Variants in DECR1 observed in about 807,000 individuals in gnomAD.
DECR1 encodes the protein 2,4-dienoyl-CoA reductase [(3E)-enoyl-CoA-producing], mitochondrial.
In DECR1, 44 loss-of-function variants were observed where a neutral mutation model predicts 38.8. The ratio of observed to expected loss-of-function variants is 1.13; its 90% confidence interval spans 0.89 to 1.46. The LOEUF is 1.46. Among genes scored for constraint, DECR1 ranks in the 40% most tolerant of loss-of-function variants. The pLI, the probability that DECR1 is intolerant of heterozygous loss-of-function variation, is 0.00. For missense variants in DECR1, 428 were observed against 405.5 expected (o/e 1.06, Z -0.48); for synonymous variants, 148 against 135.2 (o/e 1.09, Z -0.66).
At chr8:90,047,383 C>A (rs1563658940) in intron 8 of DECR1, among the ~76,000 whole-genome samples, 1 of 152,092 alleles carries the variant, frequency 6.6e-6, no homozygotes, top group Non-Finnish European at 1.5e-5. Flanking sequence ...GGGTTGCAAT[C>A]CTAGTCTCTG....
chr8:90,047,603 C>T (rs1214302296), intron 8 of DECR1, among the ~76,000 whole-genome samples: 1 of 152,216 alleles, frequency 6.6e-6, no homozygotes, highest in Non-Finnish European at 1.5e-5. Context: ...TAACGCCCCA[C>T]TGTCAATATT....
chr8:90,052,092 T>TAA lies in DECR1; in HGVS notation c.*207_*208dup, dbSNP rs376370571. The TAA allele has an allele frequency of 1.3e-3, 546 of 407,610 alleles. No homozygotes were observed. The highest frequency in any genetic ancestry group is 5.5e-3 in the South Asian group (132 of 24,056). 25.2% of individuals were successfully genotyped at this position (407,610 alleles called of 1,614,324 possible). A position where few individuals can be genotyped will look rare whatever the true frequency, so the allele number is the denominator to read the frequency against. ...AATGAAATATAGTCCTTCAAAACATTAAAAAAAAAAAAAGGAGGCATGGGG... is the reference window on the plus strand; with the variant it reads ...AATGAAATATAGTCCTTCAAAACATTAAAAAAAAAAAAAAAGGAGGCATGGGG... On this transcript the variant is annotated 3_prime_UTR_variant, in exon 10 of 10. Coordinates refer to ENST00000220764, the MANE Select transcript of DECR1 (RefSeq NM_001359.2).
At chr8:90,035,657 TTGTC>T (rs1813602904) in intron 5 of DECR1, among the ~76,000 whole-genome samples, 1 of 152,092 alleles carries the variant, frequency 6.6e-6, no homozygotes, top group African/African-American at 2.4e-5. Flanking sequence ...CTGGGACTCT[TTGTC>T]TATTAATCAT....
intron 2 of DECR1, among the ~76,000 whole-genome samples, chr8:90,018,062 A>G (rs1305306445): frequency 6.6e-6 from 1 of 151,970 alleles, no homozygotes; most frequent in African/African-American, 2.4e-5. Flanking sequence ...AATTTTTTGT[A>G]TTTTTAGTAG....
intron 4 of DECR1, 28 bp from the exon 5 acceptor site, chr8:90,020,881 T>G (rs1382843758): frequency 4.7e-6 from 7 of 1,499,592 alleles, no homozygotes; most frequent in Non-Finnish European, 6.2e-6. Flanking sequence ...ATCTAAAGTT[T>G]CTGTAACTTG....
intron 1 of DECR1, among the ~76,000 whole-genome samples, chr8:90,002,356 T>C (rs1162475228): frequency 6.6e-6 from 1 of 152,058 alleles, no homozygotes; most frequent in Non-Finnish European, 1.5e-5. Context: ...TTCCCAGATG[T>C]ATAGCTGGGA....
intron 8 of DECR1, among the ~76,000 whole-genome samples, chr8:90,047,618 A>G (rs1813945512): frequency 6.6e-6 from 1 of 152,236 alleles, no homozygotes; most frequent in Non-Finnish European, 1.5e-5. Flanking sequence ...AATATTAGAC[A>G]GAACAACAAG....
At chr8:90,047,092 A>C (rs549818903) in intron 8 of DECR1, among the ~76,000 whole-genome samples, 34 of 152,242 alleles carry the variant, frequency 2.2e-4, no homozygotes, top group Non-Finnish European at 3.5e-4. Context: ...CAAATTGTAG[A>C]GACCATCAAT....
intron 8 of DECR1, among the ~76,000 whole-genome samples, chr8:90,048,571 G>T (rs1387312418): frequency 6.6e-6 from 1 of 152,096 alleles, no homozygotes; most frequent in Non-Finnish European, 1.5e-5. Context: ...AAAAGTCCAG[G>T]ACCAGACAGA....
chr8:90,021,137 G>A, intron 5 of DECR1, 81 bp downstream of exon 5: 1 of 1,144,338 alleles, frequency 8.7e-7, no homozygotes, highest in Non-Finnish European at 1.2e-6. Flanking sequence ...TACTTTAAAA[G>A]TCAATGAGAC....
At chr8:90,051,174 TA>T (rs200601445) in intron 8 of DECR1, among the ~76,000 whole-genome samples, 4,263 of 140,476 alleles carry the variant, frequency 0.03, 114 homozygotes, top group African/African-American at 0.082. Context: ...CAAGTATAAT[TA>T]AAAAAAAAAA....
chr8:90,021,973 C>T (rs972708358), intron 5 of DECR1, among the ~76,000 whole-genome samples: 2 of 152,116 alleles, frequency 1.3e-5, no homozygotes, highest in East Asian at 1.9e-4. Flanking sequence ...CTAGAACCAG[C>T]GTACATTTAT....
chr8:90,049,162 T>G (rs1813997229), intron 8 of DECR1, among the ~76,000 whole-genome samples: 1 of 152,200 alleles, frequency 6.6e-6, no homozygotes, highest in East Asian at 1.9e-4. Context: ...AACATAGTGT[T>G]GGAAGTTCTG....
At chr8:90,041,343 T>C (rs1173401482) in intron 6 of DECR1, among the ~76,000 whole-genome samples, 6 of 152,154 alleles carry the variant, frequency 3.9e-5, no homozygotes, top group African/African-American at 1.4e-4. Flanking sequence ...TTAATTTGTT[T>C]AAGTTCTTTA....
intron 5 of DECR1, among the ~76,000 whole-genome samples, chr8:90,024,434 A>G (rs1432008208): frequency 6.6e-6 from 1 of 152,176 alleles, no homozygotes; most frequent in African/African-American, 2.4e-5. Context: ...ATGGTATCTC[A>G]TCGTGGTTTT....
intron 4 of DECR1, among the ~76,000 whole-genome samples, chr8:90,019,857 T>C (rs548837112): frequency 6.6e-6 from 1 of 152,344 alleles, no homozygotes; most frequent in South Asian, 2.1e-4. Context: ...CAGGAATACT[T>C]AAAGAATCCA....
chr8:90,031,059 G>A (rs552945137), intron 5 of DECR1, among the ~76,000 whole-genome samples: 1 of 152,150 alleles, frequency 6.6e-6, no homozygotes, highest in East Asian at 1.9e-4. Flanking sequence ...TTCTTGGCAA[G>A]GCAGTAGTAG....
intron 1 of DECR1, among the ~76,000 whole-genome samples, chr8:90,003,997 GGTT>G (rs1413460214): frequency 1.3e-5 from 2 of 151,944 alleles, no homozygotes. Flanking sequence ...CATGTAGTAA[GGTT>G]GTTCATTTTG....
chr8:90,027,302 G>A (rs143250445), intron 5 of DECR1, among the ~76,000 whole-genome samples: 2 of 152,244 alleles, frequency 1.3e-5, no homozygotes, highest in South Asian at 4.1e-4. Flanking sequence ...TCGTTGATCT[G>A]TCTAATGTTG....
Sources: allele counts gnomAD v4.1 joint callset (sites outside exome capture counted in the v4.1 genomes callset), GRCh38; gene constraint gnomAD v4.1.1; transcripts MANE v1.5; gene names NCBI Gene and HGNC (gene_info 2026-07-23, HGNC 2026-07-21).